CTNND2: variants seen among roughly 807,000 people sequenced by gnomAD.
CTNND2 encodes catenin delta 2, also known as catenin delta-2.
A neutral mutation model predicts 144.4 loss-of-function variants in CTNND2; 22 were observed. That is an observed-to-expected ratio of 0.15 (90% CI 0.11 to 0.22). The LOEUF is 0.22. Ranked by LOEUF, CTNND2 falls within the 10% of genes least tolerant of loss-of-function variation. CTNND2 has a pLI of 1.00. For missense variants in CTNND2, 1,353 were observed against 1,618.8 expected, an observed-to-expected ratio of 0.84 and a Z score of 2.82; for synonymous variants, 751 against 695.6, an observed-to-expected ratio of 1.08 and a Z score of -1.25.
chr5:11,613,257 G>A (rs571990880), intron 2 of CTNND2, among the ~76,000 whole-genome samples: 10 of 152,008 alleles, frequency 6.6e-5, no homozygotes, highest in African/African-American at 1.7e-4. Context: ...ATGAAATTGT[G>A]GCTTACCTGG....
chr5:11,236,783 G>C lies in CTNND2; in HGVS notation c.1669C>G (p.Gln557Glu), dbSNP rs1360300991. ...WRDPELPEVI[Q>E]MLQHQFPSVQ... is the part of the protein sequence containing the mutation. ...GAGGGAAACTGGTGCTGCAACATCT[G>C]AATCACTTCCGGCAGTTCCGGGTCT... Residue 557 changes from glutamine (Q) to glutamate (E), a missense_variant, in exon 10 of 22, where the codon CAG (glutamine) becomes GAG (glutamate). Around this residue, in one of 4 missense-constraint regions of CTNND2, gnomAD observed 69 missense variants for 120.3 expected, o/e 0.57. Transcript: ENST00000304623. The C allele has an allele frequency of 5.6e-6, 9 of 1,614,046 alleles. No individual in the cohort carries two copies. The highest frequency in any genetic ancestry group is 4.5e-5 in the East Asian group (2 of 44,890).
intron 16 of CTNND2, among the ~76,000 whole-genome samples, chr5:11,039,227 ATGTGATTACCT>A (rs939189273): frequency 1.4e-4 from 21 of 152,220 alleles, no homozygotes; most frequent in Non-Finnish European, 7.3e-5. Context: ...ATCTGTGACA[ATGTGATTACCT>A]TGTGAGAAAA....
At chr5:11,363,511 GA>G (rs1376260926) in intron 8 of CTNND2, among the ~76,000 whole-genome samples, 1 of 152,174 alleles carries the variant, frequency 6.6e-6, no homozygotes, top group Admixed American at 6.5e-5. Flanking sequence ...GGCTGAAGGT[GA>G]AAAAAATTCT....
chr5:11,048,442 G>T (rs1745503844), intron 16 of CTNND2, among the ~76,000 whole-genome samples: 5 of 152,192 alleles, frequency 3.3e-5, no homozygotes, highest in African/African-American at 1.2e-4. Flanking sequence ...TTTAGGTACT[G>T]CATTTAGTTG....
At position 11,155,019 on chromosome 5, in the gene CTNND2, TA is replaced by T. The variant is rs530887348; in HGVS notation, c.2159+4556del. Among the ~76,000 whole-genome samples, 778 of 152,360 alleles carry T rather than the reference TA, an allele frequency of 5.1e-3. 4 individuals carry two copies. The highest frequency in any genetic ancestry group is 8.7e-3 in the Non-Finnish European group (589 of 68,036). Reference sequence around the variant, plus strand: ...GAACTAATTGTATCTGCAAAGACCTTATTTCCAAATAAGATCACATTCTGAA... The same window carrying T: ...GAACTAATTGTATCTGCAAAGACCTTTTTCCAAATAAGATCACATTCTGAA... On this transcript the variant is annotated intron_variant, in intron 12 of 21. Coordinates refer to ENST00000304623, the MANE Select transcript of CTNND2 (RefSeq NM_001332.4).
rs187061320 is a variant in CTNND2 at position 11,302,941 on chromosome 5, C to T, written c.1628+43431G>A. Reference sequence around the variant, plus strand: ...GTCCTTCCTCCTTTTTGCCTACTGCCCCAGAGTTATCCCAGAGTGTTCAGA... The same window carrying T: ...GTCCTTCCTCCTTTTTGCCTACTGCTCCAGAGTTATCCCAGAGTGTTCAGA... On this transcript the variant is annotated intron_variant, in intron 9 of 21. Transcript: ENST00000304623. Among the ~76,000 whole-genome samples, 162 of 152,280 alleles carry T rather than the reference C, an allele frequency of 1.1e-3. 2 individuals carry two copies. The highest frequency in any genetic ancestry group is 3.5e-3 in the African/African-American group (147 of 41,546).
At chr5:11,277,918 CGG>C (rs375024718) in intron 9 of CTNND2, among the ~76,000 whole-genome samples, 1 of 147,560 alleles carries the variant, frequency 6.8e-6, no homozygotes. Context: ...CCCATAGCTC[CGG>C]TCTCTCTCTC....
intron 8 of CTNND2, among the ~76,000 whole-genome samples, chr5:11,348,437 C>CAA (rs3034056): frequency 2.7e-3 from 312 of 114,614 alleles, no homozygotes; most frequent in Middle Eastern, 5.7e-3. Context: ...AAATCAAGGG[C>CAA]AAAAAAAAAA....
intron 3 of CTNND2, among the ~76,000 whole-genome samples, chr5:11,477,632 C>G (rs1366694737): frequency 6.6e-6 from 1 of 152,094 alleles, no homozygotes; most frequent in African/African-American, 2.4e-5. Flanking sequence ...CCAGACTGGT[C>G]TCAAACTCCT....
intron 3 of CTNND2, among the ~76,000 whole-genome samples, chr5:11,563,956 G>GC (rs1776872537): frequency 6.6e-6 from 1 of 152,142 alleles, no homozygotes; most frequent in Non-Finnish European, 1.5e-5. Flanking sequence ...CCAGGACTCT[G>GC]CCCCACTTCC....
At chr5:11,234,775 T>C (rs1741433989) in intron 10 of CTNND2, among the ~76,000 whole-genome samples, 1 of 152,190 alleles carries the variant, frequency 6.6e-6, no homozygotes, top group African/African-American at 2.4e-5. Context: ...AGAGTCTGAC[T>C]CTATCTCTTG....
At chr5:11,502,970 G>A (rs562148793) in intron 3 of CTNND2, among the ~76,000 whole-genome samples, 108 of 152,288 alleles carry the variant, frequency 7.1e-4, no homozygotes, top group African/African-American at 2.6e-3. Flanking sequence ...TCTAATGAAA[G>A]CTTTCATAAT....
chr5:11,306,780 T>C (rs115292972), intron 9 of CTNND2, among the ~76,000 whole-genome samples: 2,298 of 152,326 alleles, frequency 0.015, 33 homozygotes, highest in Non-Finnish European at 0.023. Flanking sequence ...AAGGTTTGGC[T>C]TGCACTGCGT....
chr5:11,225,096 C>G (rs564062305), intron 10 of CTNND2, among the ~76,000 whole-genome samples: 1 of 151,746 alleles, frequency 6.6e-6, no homozygotes, highest in East Asian at 1.9e-4. Context: ...ACAGCAACAA[C>G]AAAAAAAACC....
intron 9 of CTNND2, among the ~76,000 whole-genome samples, chr5:11,240,529 CA>C (rs1742231949): frequency 7.8e-6 from 1 of 128,768 alleles, no homozygotes; most frequent in Non-Finnish European, 1.6e-5. Flanking sequence ...ACCCAACACA[CA>C]CACCCAACAC....
intron 1 of CTNND2, among the ~76,000 whole-genome samples, chr5:11,753,701 G>A (rs1788750425): frequency 6.6e-6 from 1 of 151,834 alleles, no homozygotes; most frequent in Non-Finnish European, 1.5e-5. Context: ...AAGTTAGGGA[G>A]GAGTCTGTCC....
chr5:11,159,634 C>A lies in CTNND2; in HGVS notation c.2101G>T (p.Asp701Tyr). ...GATGAATGCAGCTGTATTTTCCGATCATCCTGAAGAGGCGAATTTTCCCAG... is the reference window on the plus strand; with the variant it reads ...GATGAATGCAGCTGTATTTTCCGATAATCCTGAAGAGGCGAATTTTCCCAG... The part of the protein sequence containing the change: ...SGWENSPLQD[D>Y]RKIQLHSSQV... The change falls in exon 12 of 22, where the codon GAT becomes TAT. Residue 701 changes from aspartate to tyrosine, a missense_variant. Asp to Tyr is a radical substitution (Grantham distance 160, BLOSUM62 -3). This residue lies in a region of CTNND2 where 117 missense variants were observed against 117.8 expected (regional missense o/e 0.99). Coordinates refer to ENST00000304623, the MANE Select transcript of CTNND2 (RefSeq NM_001332.4). 1 of 1,613,608 alleles carries A rather than the reference C, an allele frequency of 6.2e-7. No homozygotes were observed. Among genetic ancestry groups the A allele is most frequent in the Non-Finnish European group, 8.5e-7 (1 of 1,179,798 alleles).
At chr5:11,334,338 A>T (rs1169391562) in intron 9 of CTNND2, among the ~76,000 whole-genome samples, 1 of 152,214 alleles carries the variant, frequency 6.6e-6, no homozygotes, top group African/African-American at 2.4e-5. Flanking sequence ...ATTCTATGGC[A>T]CGTGAGTATC....
intron 2 of CTNND2, among the ~76,000 whole-genome samples, chr5:11,603,587 C>T (rs1439892103): frequency 2.0e-5 from 3 of 152,046 alleles, no homozygotes; most frequent in Non-Finnish European, 4.4e-5. Flanking sequence ...TACATTCAGC[C>T]TTATTATCAT....
Sources: gnomAD v4.1 joint callset for allele counts (sites outside exome capture counted in the v4.1 genomes callset) on GRCh38, gnomAD v4.1.1 for gene constraint, gnomAD v4.1.1 regional missense constraint, MANE v1.5 for transcripts, NCBI Gene and HGNC (gene_info 2026-07-23, HGNC 2026-07-21) for gene names.